Variants in BICDL1 observed in about 807,000 individuals in gnomAD.
The protein encoded by BICDL1 is BICD family-like cargo adapter 1.
In BICDL1, 20 loss-of-function variants were observed where a neutral mutation model predicts 76.8. The ratio of observed to expected loss-of-function variants is 0.26; its 90% CI spans 0.18 to 0.38. The LOEUF (loss-of-function observed/expected upper bound fraction) is 0.38. Ranked by LOEUF, BICDL1 falls within the 10% of genes least tolerant of loss-of-function variation. BICDL1 has a pLI of 1.00. For missense variants in BICDL1, 700 were observed against 798.6 expected (o/e 0.88, Z 1.49); for synonymous variants, 383 against 337.1 (o/e 1.14, Z -1.49).
chr12:120,026,697 TC>T (rs2088629473), intron 2 of BICDL1, among the ~76,000 whole-genome samples: 1 of 152,238 alleles, frequency 6.6e-6, no homozygotes, highest in African/African-American at 2.4e-5. Context: ...TGATGCAACT[TC>T]CCAGCACTTG....
At chr12:120,091,738 C>T in intron 9 of BICDL1, 1 of 985,350 alleles carries the variant, frequency 1.0e-6, no homozygotes, top group Non-Finnish European at 1.2e-6. Flanking sequence ...CTCAGGAAGG[C>T]CCCTTTGTTT....
At position 120,049,163 on chromosome 12, in the gene BICDL1, G is replaced by A. The variant is rs373789817; in HGVS notation, c.646-12547G>A. Reference sequence around the variant, plus strand: ...GAGAACGCAAAGGAGGGTCCCTCTGGAATGCCAAGGAGCACAGAAAGCTTC... The same window carrying A: ...GAGAACGCAAAGGAGGGTCCCTCTGAAATGCCAAGGAGCACAGAAAGCTTC... On this transcript the variant is annotated intron_variant, in intron 2 of 9. Transcript: ENST00000548673. Among the ~76,000 whole-genome samples, 9 of 152,308 alleles carry A rather than the reference G, an allele frequency of 5.9e-5. No homozygotes were observed. In the East Asian group the frequency reaches 7.7e-4, roughly 13 times the overall value.
chr12:120,070,446 A>G (rs1313774044), intron 4 of BICDL1, among the ~76,000 whole-genome samples: 5 of 152,196 alleles, frequency 3.3e-5, no homozygotes, highest in Non-Finnish European at 7.3e-5. Flanking sequence ...CCCCATCTTC[A>G]TAACATCCAT....
At chr12:120,065,687 A>C (rs971535616) in intron 4 of BICDL1, among the ~76,000 whole-genome samples, 7 of 152,196 alleles carry the variant, frequency 4.6e-5, no homozygotes, top group African/African-American at 1.7e-4. Flanking sequence ...GGATTGCAAC[A>C]GTGATGTTTG....
At chr12:120,022,480 A>G (rs576045985) in intron 2 of BICDL1, among the ~76,000 whole-genome samples, 2 of 147,034 alleles carry the variant, frequency 1.4e-5, no homozygotes, top group African/African-American at 5.0e-5. Flanking sequence ...TATATATTTT[A>G]TATATTTTTG....
chr12:120,085,198 C>T (rs746853842), intron 8 of BICDL1, among the ~76,000 whole-genome samples: 5 of 152,020 alleles, frequency 3.3e-5, no homozygotes, highest in East Asian at 1.9e-4. Context: ...GCAATCCCAG[C>T]GCTTTGGGAG....
At chr12:119,992,258 G>A (rs866619111) in intron 1 of BICDL1, among the ~76,000 whole-genome samples, 7 of 152,334 alleles carry the variant, frequency 4.6e-5, no homozygotes, top group Middle Eastern at 3.4e-3. Flanking sequence ...TAATGTGAGA[G>A]TGACAAACCT....
chr12:120,049,919 C>G (rs143693902), intron 2 of BICDL1, among the ~76,000 whole-genome samples: 5 of 152,330 alleles, frequency 3.3e-5, no homozygotes, highest in Non-Finnish European at 7.3e-5. Flanking sequence ...CCATTTTACA[C>G]TCCCACCAAC....
At chr12:120,077,204 A>C (rs925746318) in intron 7 of BICDL1, among the ~76,000 whole-genome samples, 3 of 152,274 alleles carry the variant, frequency 2.0e-5, no homozygotes, top group Non-Finnish European at 4.4e-5. Flanking sequence ...CTTTAAAATA[A>C]AGGAAAGCGT....
At chr12:120,034,231 T>G (rs974214689) in intron 2 of BICDL1, among the ~76,000 whole-genome samples, 3 of 152,236 alleles carry the variant, frequency 2.0e-5, no homozygotes, top group Non-Finnish European at 4.4e-5. Flanking sequence ...ATCTGCCATC[T>G]GTAGAAATAA....
chr12:119,996,254 G>A (rs1240779671), intron 1 of BICDL1, among the ~76,000 whole-genome samples: 1 of 152,120 alleles, frequency 6.6e-6, no homozygotes, highest in Non-Finnish European at 1.5e-5. Flanking sequence ...ATTTTCTACT[G>A]CTGTTTTTAT....
intron 9 of BICDL1, chr12:120,092,786 A>T (rs1875091839): frequency 1.0e-6 from 1 of 985,310 alleles, no homozygotes; most frequent in African/African-American, 1.7e-5. Flanking sequence ...ACCCAGCCCA[A>T]GCCTGAGGAG....
At chr12:120,045,729 T>C (rs2138828306) in intron 2 of BICDL1, among the ~76,000 whole-genome samples, 1 of 125,832 alleles carries the variant, frequency 7.9e-6, no homozygotes, top group East Asian at 2.4e-4. Context: ...TGAGAACACA[T>C]GGACATAGGA....
At chr12:120,087,875 T>C (rs1874560856) in intron 8 of BICDL1, among the ~76,000 whole-genome samples, 1 of 152,264 alleles carries the variant, frequency 6.6e-6, no homozygotes, top group Non-Finnish European at 1.5e-5. Context: ...TCAGTAATCA[T>C]CACCCAGAGA....
Position 120,093,083 on chromosome 12 carries a change from G to A in BICDL1, c.1788G>A (p.Arg596=), listed in dbSNP as rs1351850829. 6.2e-7 allele frequency: 1 copy of A among 1,609,732 alleles called. No homozygotes were observed. The highest frequency in any genetic ancestry group is 1.7e-5 in the Admixed American group (1 of 59,138). ...GCCAGCCGGCTGCTGCCCTCTGCAGGGGCCACAGCGCTGGGCGGGGGGATG... is the reference window on the plus strand; with the variant it reads ...GCCAGCCGGCTGCTGCCCTCTGCAGAGGCCACAGCGCTGGGCGGGGGGATG... The part of the protein sequence containing the change: ...ERSQPAAALC[R]GHSAGRGDEP... Residue 596 remains arginine, a synonymous_variant, in exon 10 of 10, where the codon AGG becomes AGA. Transcript: ENST00000548673.
At chr12:120,032,291 CAAG>C (rs1357671994) in intron 2 of BICDL1, among the ~76,000 whole-genome samples, 4 of 152,136 alleles carry the variant, frequency 2.6e-5, no homozygotes, top group Admixed American at 6.5e-5. Flanking sequence ...ATGACAGAAA[CAAG>C]GAGCAGCTAG....
rs567895544 is a variant in BICDL1 at position 120,070,018 on chromosome 12, G to A, written c.910-1604G>A. ...TCATTGCTCTATAGTATTCTAACAT[G>A]TGAACATACCGCAATTCACTTATTT... On this transcript the variant is annotated intron_variant, in intron 4 of 9. Coordinates refer to ENST00000548673, the MANE Select transcript of BICDL1 (RefSeq NM_001367886.1). Among the ~76,000 whole-genome samples the A allele has an allele frequency of 7.2e-5, 11 of 152,224 alleles. No individual in the cohort carries two copies. In the South Asian group the frequency reaches 2.1e-3, roughly 29 times the overall value.
intron 2 of BICDL1, among the ~76,000 whole-genome samples, chr12:120,030,485 G>A (rs547185141): frequency 1.3e-5 from 2 of 152,138 alleles, no homozygotes; most frequent in Non-Finnish European, 2.9e-5. Flanking sequence ...CACTTGTATT[G>A]TGCTTTAAGA....
intron 2 of BICDL1, among the ~76,000 whole-genome samples, chr12:120,049,754 T>C (rs1306699008): frequency 6.6e-6 from 1 of 152,240 alleles, no homozygotes; most frequent in Non-Finnish European, 1.5e-5. Flanking sequence ...GCTTCTATTT[T>C]CCATCTTTAT....
Sources: allele counts gnomAD v4.1 joint callset (sites outside exome capture counted in the v4.1 genomes callset), GRCh38; gene constraint gnomAD v4.1.1; transcripts MANE v1.5; gene names NCBI Gene and HGNC (gene_info 2026-07-23, HGNC 2026-07-21).